The following FBXL7 variants were observed in gnomAD, a reference collection of about 807,000 sequenced individuals.
FBXL7 encodes the protein F-box and leucine rich repeat protein 7.
FBXL7 carries 12 observed loss-of-function variants against 38.3 expected under a neutral mutation model. That is an observed-to-expected ratio of 0.31 (90% CI 0.20 to 0.51). The LOEUF is 0.51. FBXL7 is among the 20% of genes least tolerant of loss of function. FBXL7 has a pLI of 0.98. For synonymous variants in FBXL7, 297 were observed against 300.9 expected (o/e 0.99, Z 0.13); for missense variants, 567 against 676.4 (o/e 0.84, Z 1.79).
intron 2 of FBXL7, among the ~76,000 whole-genome samples, chr5:15,903,639 C>T (rs576937338): frequency 2.0e-5 from 3 of 152,252 alleles, no homozygotes; most frequent in African/African-American, 7.2e-5. Context: ...TCTCACCCAA[C>T]TCAAATTGTG....
chr5:15,798,870 C>T (rs1737485141), intron 2 of FBXL7, among the ~76,000 whole-genome samples: 2 of 152,012 alleles, frequency 1.3e-5, no homozygotes, highest in African/African-American at 4.8e-5. Context: ...CTTTGGTCAG[C>T]CTTGAGGAAG....
At chr5:15,801,648 TGTGTGTGTGCGCGCGCGC>T (rs1294078138) in intron 2 of FBXL7, among the ~76,000 whole-genome samples, 3 of 146,722 alleles carry the variant, frequency 2.0e-5, no homozygotes, top group Non-Finnish European at 4.6e-5. Context: ...TGTGTGTGTG[TGTGTGTGTGCGCGCGCGC>T]GTGTGTGTGT....
chr5:15,917,290 T>G lies in FBXL7; in HGVS notation c.128-10600T>G, dbSNP rs147176487. ...TAAAAGCTGAATATTATAGTTTTAC[T>G]TGGAAAACCAGTATCACTCGCCATA... On this transcript the variant is annotated intron_variant, in intron 2 of 3. Coordinates refer to ENST00000504595, the MANE Select transcript of FBXL7 (RefSeq NM_012304.5). Among the ~76,000 whole-genome samples the G allele has an allele frequency of 2.5e-3, 374 of 152,298 alleles. 2 individuals carry two copies. The highest frequency in any genetic ancestry group is 3.4e-3 in the Middle Eastern group (1 of 294).
chr5:15,546,949 A>C (rs996688543), intron 1 of FBXL7, among the ~76,000 whole-genome samples: 10 of 152,164 alleles, frequency 6.6e-5, no homozygotes, highest in African/African-American at 1.7e-4. Context: ...CAGGAAGAAG[A>C]AGCTTTTTGA....
At chr5:15,511,423 C>T (rs919977948) in intron 1 of FBXL7, among the ~76,000 whole-genome samples, 3 of 152,176 alleles carry the variant, frequency 2.0e-5, no homozygotes, top group African/African-American at 7.2e-5. Context: ...TTTGTGCCTA[C>T]ACACAAGCAA....
At chr5:15,803,531 C>T (rs1045319818) in intron 2 of FBXL7, among the ~76,000 whole-genome samples, 9 of 147,930 alleles carry the variant, frequency 6.1e-5, no homozygotes, top group Non-Finnish European at 1.2e-4. Flanking sequence ...CCCTTTCTCC[C>T]CCCATCCTTC....
intron 2 of FBXL7, among the ~76,000 whole-genome samples, chr5:15,776,490 A>G (rs550590790): frequency 1.3e-5 from 2 of 152,166 alleles, no homozygotes; most frequent in Non-Finnish European, 2.9e-5. Flanking sequence ...ATGTTGCTTG[A>G]TAAGGGCTTT....
At chr5:15,591,230 C>A (rs1739464524) in intron 1 of FBXL7, among the ~76,000 whole-genome samples, 1 of 151,934 alleles carries the variant, frequency 6.6e-6, no homozygotes, top group Non-Finnish European at 1.5e-5. Flanking sequence ...GAGATGGAGA[C>A]CATCCTGGCT....
chr5:15,722,930 C>CAAAAAAAACAAA (rs377502407), intron 2 of FBXL7, among the ~76,000 whole-genome samples: 9 of 142,080 alleles, frequency 6.3e-5, no homozygotes, highest in African/African-American at 2.1e-4. Flanking sequence ...TCAAAAAAAA[C>CAAAAAAAACAAA]AAAAAAAAAA....
At chr5:15,673,873 A>G (rs1429359828) in intron 2 of FBXL7, among the ~76,000 whole-genome samples, 1 of 152,174 alleles carries the variant, frequency 6.6e-6, no homozygotes, top group Non-Finnish European at 1.5e-5. Context: ...CAAAAGGGAA[A>G]GATCCAAAAA....
In FBXL7 at chr5:15,518,687, C is replaced by T. The variant is rs564527135; in HGVS notation, c.37+17974C>T. On this transcript the variant is annotated intron_variant, in intron 1 of 3. Transcript: ENST00000504595. ...CAATTGGGTGCCACATTGGCTCCTG[C>T]ACCTTAACTTTCTGTTTGACCTGAG... 6.7e-4 allele frequency among the ~76,000 whole-genome samples: 102 copies of T among 152,252 alleles called. 2 individuals are homozygous for T. The highest frequency in any genetic ancestry group is 1.1e-3 in the African/African-American group (46 of 41,540).
chr5:15,704,255 G>A (rs1404795578), intron 2 of FBXL7, among the ~76,000 whole-genome samples: 2 of 152,162 alleles, frequency 1.3e-5, no homozygotes, highest in African/African-American at 2.4e-5. Flanking sequence ...ACTCTTTCAG[G>A]ATTCCAGCTC....
At chr5:15,648,895 C>CTT (rs5866155) in intron 2 of FBXL7, among the ~76,000 whole-genome samples, 65 of 143,564 alleles carry the variant, frequency 4.5e-4, no homozygotes, top group African/African-American at 9.4e-4. Context: ...TCAATTTCAA[C>CTT]TTTTTTTTTT....
chr5:15,621,986 TA>T (rs1267461056), intron 2 of FBXL7, among the ~76,000 whole-genome samples: 20 of 152,256 alleles, frequency 1.3e-4, no homozygotes, highest in African/African-American at 4.6e-4. Flanking sequence ...GATGCAAAGA[TA>T]AATGAGAAAC....
chr5:15,524,255 C>T (rs1737187396), intron 1 of FBXL7, among the ~76,000 whole-genome samples: 1 of 152,088 alleles, frequency 6.6e-6, no homozygotes, highest in Admixed American at 6.6e-5. Flanking sequence ...ATGACATTGA[C>T]CATCTCCCTA....
intron 2 of FBXL7, among the ~76,000 whole-genome samples, chr5:15,807,924 C>T (rs1467757642): frequency 6.6e-6 from 1 of 152,078 alleles, no homozygotes; most frequent in Non-Finnish European, 1.5e-5. Flanking sequence ...ACAGGTTGTC[C>T]TGAGCTGAAA....
intron 2 of FBXL7, among the ~76,000 whole-genome samples, chr5:15,864,063 C>T (rs1019422687): frequency 3.9e-5 from 6 of 152,014 alleles, no homozygotes; most frequent in Non-Finnish European, 7.4e-5. Flanking sequence ...AGAAGAGTAA[C>T]CAAACTTGGC....
intron 2 of FBXL7, among the ~76,000 whole-genome samples, chr5:15,787,929 A>G (rs540933091): frequency 6.6e-6 from 1 of 152,298 alleles, no homozygotes; most frequent in Non-Finnish European, 1.5e-5. Context: ...TATTTCTCAC[A>G]GTTCTAGAGG....
At chr5:15,865,913 C>A (rs1739689808) in intron 2 of FBXL7, among the ~76,000 whole-genome samples, 1 of 152,140 alleles carries the variant, frequency 6.6e-6, no homozygotes, top group Non-Finnish European at 1.5e-5. Context: ...ATAACAGCTT[C>A]AGGGAAAATG....
Sources: gnomAD v4.1 joint callset for allele counts (sites outside exome capture counted in the v4.1 genomes callset) on GRCh38, gnomAD v4.1.1 for gene constraint, MANE v1.5 for transcripts, NCBI Gene and HGNC (gene_info 2026-07-23, HGNC 2026-07-21) for gene names.